ZCCHC17: variants seen among roughly 807,000 people sequenced by gnomAD.
ZCCHC17 encodes the protein zinc finger CCHC domain-containing protein 17.
ZCCHC17 carries 18 observed loss-of-function variants against 30.6 expected under a neutral mutation model. The observed-to-expected ratio is 0.59, with a 90% CI of 0.41 to 0.87. The LOEUF (loss-of-function observed/expected upper bound fraction) is 0.87, where lower values mean the gene tolerates loss of function less well. ZCCHC17 is among the 40% of genes least tolerant of loss of function. The pLI is 0.00. For missense variants in ZCCHC17, 263 were observed against 284.2 expected (o/e 0.93, Z 0.54); for synonymous variants, 88 against 92.4 (o/e 0.95, Z 0.27).
chr1:31,322,966 C>T (rs1646894645), intron 3 of ZCCHC17, among the ~76,000 whole-genome samples: 1 of 152,056 alleles, frequency 6.6e-6, no homozygotes, highest in Admixed American at 6.5e-5. Context: ...GTGACCTGCC[C>T]GTCTTGGCCT....
intron 5 of ZCCHC17, 73 bp from the exon 6 acceptor site, chr1:31,346,567 T>C: frequency 4.1e-6 from 6 of 1,473,766 alleles, no homozygotes; most frequent in Non-Finnish European, 5.4e-6. Context: ...AAAACCAACA[T>C]ACAACCTTAC....
In ZCCHC17 at chr1:31,364,498, T is replaced by C. The variant is rs1275323980; in HGVS notation, c.*305T>C. On this transcript the variant is annotated 3_prime_UTR_variant, in exon 8 of 8. Transcript: ENST00000344147. ...TCCTATTACCCTCTCCAGCTGCCAC[T>C]GCCAGAGCTGGATTCCTGTAAAGGA... The C allele has an allele frequency of 8.2e-6, 3 of 363,984 alleles. No homozygotes were observed. Among genetic ancestry groups the C allele is most frequent in the East Asian group, 4.5e-5 (1 of 22,088 alleles). The allele number at this position is 363,984 out of a possible 1,614,324, so 22.5% of individuals were successfully genotyped here.
chr1:31,327,122 T>G (rs545050779), intron 3 of ZCCHC17, among the ~76,000 whole-genome samples: 198 of 152,248 alleles, frequency 1.3e-3, no homozygotes, highest in Non-Finnish European at 2.3e-3. Flanking sequence ...GATGAAAATA[T>G]TCCTTATGTT....
In ZCCHC17 at chr1:31,349,062, G is replaced by A. The variant is rs770145761; in HGVS notation, c.564+88G>A. 2.7e-5 allele frequency: 38 copies of A among 1,426,930 alleles called. No homozygotes were observed. In the South Asian group the frequency reaches 5.5e-4, roughly 21 times the overall value. The allele number at this position is 1,426,930 out of a possible 1,614,324, so 88.4% of individuals were successfully genotyped here. A position where few individuals can be genotyped will look rare whatever the true frequency, so the allele number is the denominator to read the frequency against. On this transcript the variant is annotated intron_variant, in intron 7 of 7. Transcript: ENST00000344147. ...AAGCCTCATGCAGCAGTACACACCT[G>A]TAGTCCCAGCTACTTGGGAGGATAA...
intron 7 of ZCCHC17, among the ~76,000 whole-genome samples, chr1:31,356,364 T>C (rs938969054): frequency 6.6e-6 from 1 of 152,184 alleles, no homozygotes; most frequent in Non-Finnish European, 1.5e-5. Context: ...ACAAGTCTGT[T>C]TCATTACCTC....
chr1:31,301,779 G>A (rs1049344595), intron 1 of ZCCHC17, among the ~76,000 whole-genome samples: 3 of 152,058 alleles, frequency 2.0e-5, no homozygotes, highest in Non-Finnish European at 2.9e-5. Context: ...TTCATCTTTT[G>A]TGTTTTTCCT....
rs1225334773 is a variant in ZCCHC17 at position 31,310,051 on chromosome 1, G to GTAT, written c.-45_-43dup. ...CTGATTTCTTTATGACAGGACACTT[G>GTAT]TATTAGCTTTAATAGAAGAGAAATG... On this transcript the variant is annotated 5_prime_UTR_variant, in exon 2 of 8. Coordinates refer to ENST00000344147, the MANE Select transcript of ZCCHC17 (RefSeq NM_016505.4). 6.3e-7 allele frequency: 1 copy of GTAT among 1,578,614 alleles called. No homozygotes were observed. The highest frequency in any genetic ancestry group is 8.7e-7 in the Non-Finnish European group (1 of 1,151,004).
intron 3 of ZCCHC17, among the ~76,000 whole-genome samples, chr1:31,334,353 G>C (rs1385300239): frequency 0.044 from 5,006 of 113,796 alleles, 153 homozygotes; most frequent in African/African-American, 0.1. Flanking sequence ...GTGTGTGTGT[G>C]TGTGTGTGTG....
At chr1:31,324,188 A>G (rs1365100371) in intron 3 of ZCCHC17, among the ~76,000 whole-genome samples, 2 of 152,264 alleles carry the variant, frequency 1.3e-5, no homozygotes, top group East Asian at 1.9e-4. Flanking sequence ...GTTTACTGAC[A>G]TGAGCCAGGA....
At chr1:31,334,391 AAG>A (rs775315873) in intron 3 of ZCCHC17, among the ~76,000 whole-genome samples, 9 of 97,794 alleles carry the variant, frequency 9.2e-5, no homozygotes, top group African/African-American at 3.0e-4. Flanking sequence ...GTGTGTGTGA[AAG>A]AGAGAGTGGG....
intron 5 of ZCCHC17, 166 bp from the exon 6 acceptor site, chr1:31,346,474 G>A (rs2148466540): frequency 1.6e-6 from 1 of 624,640 alleles, no homozygotes; most frequent in East Asian, 2.9e-5. Flanking sequence ...TTAATTTAGG[G>A]CTATTTCACA....
chr1:31,343,622 T>C (rs889513432), intron 5 of ZCCHC17, among the ~76,000 whole-genome samples: 1 of 152,040 alleles, frequency 6.6e-6, no homozygotes, highest in Non-Finnish European at 1.5e-5. Context: ...CAATTAGGCA[T>C]AGCCTGCAAA....
chr1:31,346,826 T>C lies in ZCCHC17; in HGVS notation c.418+86T>C, dbSNP rs535833644. The C allele has an allele frequency of 7.5e-5, 118 of 1,577,480 alleles. 3 individuals are homozygous for C. The South Asian group carries it at 1.2e-3, about 16-fold the overall frequency. On this transcript the variant is annotated intron_variant, in intron 6 of 7. Coordinates refer to ENST00000344147, the MANE Select transcript of ZCCHC17 (RefSeq NM_016505.4). ...AGAAGGAGGCAGCCCAGTGTGAGTT[T>C]AGTTTACCCTGTTTTTTAGCCAAGT...
intron 3 of ZCCHC17, among the ~76,000 whole-genome samples, chr1:31,324,006 A>G (rs769005955): frequency 7.2e-5 from 11 of 152,232 alleles, no homozygotes; most frequent in Non-Finnish European, 1.5e-4. Context: ...ATTATGCCTC[A>G]TCTTACCAGA....
At chr1:31,339,807 C>T (rs1001340648) in intron 5 of ZCCHC17, among the ~76,000 whole-genome samples, 4 of 152,140 alleles carry the variant, frequency 2.6e-5, no homozygotes, top group Non-Finnish European at 5.9e-5. Context: ...GGGGTTTAGA[C>T]TCCCACATCT....
intron 1 of ZCCHC17, among the ~76,000 whole-genome samples, chr1:31,298,179 T>A (rs192195641): frequency 6.6e-6 from 1 of 152,072 alleles, no homozygotes; most frequent in Non-Finnish European, 1.5e-5. Context: ...CTGCAGAGAA[T>A]TGGACAGATT....
chr1:31,311,524 A>G (rs1386322948), intron 2 of ZCCHC17, among the ~76,000 whole-genome samples: 1 of 152,232 alleles, frequency 6.6e-6, no homozygotes, highest in Non-Finnish European at 1.5e-5. Flanking sequence ...TTTATTTCTC[A>G]CAGTTCTGGA....
At chr1:31,345,115 C>T (rs1455433761) in intron 5 of ZCCHC17, among the ~76,000 whole-genome samples, 2 of 150,032 alleles carry the variant, frequency 1.3e-5, no homozygotes, top group African/African-American at 4.9e-5. Flanking sequence ...TAGAAGGGAG[C>T]ATGAGATGGG....
At chr1:31,329,033 G>A (rs574534442) in intron 3 of ZCCHC17, among the ~76,000 whole-genome samples, 1 of 152,102 alleles carries the variant, frequency 6.6e-6, no homozygotes, top group Non-Finnish European at 1.5e-5. Flanking sequence ...CCCTCTGATC[G>A]CTTGGTCTTT....
Sources: gnomAD v4.1 joint callset for allele counts (sites outside exome capture counted in the v4.1 genomes callset) on GRCh38, gnomAD v4.1.1 for gene constraint, MANE v1.5 for transcripts, NCBI Gene and HGNC (gene_info 2026-07-23, HGNC 2026-07-21) for gene names.